Variants in MYT1L observed in about 807,000 individuals in gnomAD.
The protein encoded by MYT1L is myelin transcription factor 1 like.
Under a neutral mutation model 126.7 loss-of-function variants are expected in MYT1L, and 12 were observed. That is an observed-to-expected ratio of 0.09 (90% CI 0.06 to 0.15). The LOEUF (loss-of-function observed/expected upper bound fraction) is 0.15, where lower values mean the gene tolerates loss of function less well. MYT1L is among the 10% of genes least tolerant of loss of function. The probability of loss-of-function intolerance (pLI) is 1.00; values close to 1 mark genes in which losing one functional copy is unlikely to be tolerated. For missense variants in MYT1L, 979 were observed against 1,585.2 expected (o/e 0.62, Z 6.49); for synonymous variants, 541 against 604.2 (o/e 0.90, Z 1.53).
intron 8 of MYT1L, among the ~76,000 whole-genome samples, chr2:1,967,608 A>G (rs2059467966): frequency 6.6e-6 from 1 of 152,228 alleles, no homozygotes; most frequent in South Asian, 2.1e-4. Flanking sequence ...AGTCACTCAA[A>G]GCAGGTGCAC....
chr2:2,198,496 C>T (rs959994588), intron 2 of MYT1L, among the ~76,000 whole-genome samples: 1 of 152,074 alleles, frequency 6.6e-6, no homozygotes, highest in African/African-American at 2.4e-5. Flanking sequence ...CATCATGATA[C>T]TATGTATATA....
chr2:2,099,535 A>G (rs2077815137), intron 3 of MYT1L, among the ~76,000 whole-genome samples: 1 of 152,170 alleles, frequency 6.6e-6, no homozygotes, highest in South Asian at 2.1e-4. Context: ...GTCCTTCTCT[A>G]AGAAATGTTA....
chr2:2,096,007 C>T (rs985527391), intron 3 of MYT1L, among the ~76,000 whole-genome samples: 1 of 152,136 alleles, frequency 6.6e-6, no homozygotes, highest in African/African-American at 2.4e-5. Flanking sequence ...GTGGCGCCCA[C>T]CTGTGGGTTT....
chr2:2,305,449 C>T (rs918811014), intron 1 of MYT1L, among the ~76,000 whole-genome samples: 2 of 152,186 alleles, frequency 1.3e-5, no homozygotes, highest in African/African-American at 4.8e-5. Flanking sequence ...ACTAAAGTAA[C>T]TTTTAGTTTT....
intron 8 of MYT1L, among the ~76,000 whole-genome samples, chr2:1,952,710 C>CTT (rs2057883386): frequency 1.4e-5 from 1 of 73,518 alleles, no homozygotes; most frequent in Non-Finnish European, 2.9e-5. Flanking sequence ...TTCTTCCTTC[C>CTT]CTTCCCTCCT....
chr2:2,018,539 A>G (rs1324342916), intron 4 of MYT1L, among the ~76,000 whole-genome samples: 2 of 152,190 alleles, frequency 1.3e-5, no homozygotes, highest in African/African-American at 2.4e-5. Flanking sequence ...TCTTGAAGAC[A>G]TTGGGTCAGA....
chr2:2,060,223 T>C (rs1314882964), intron 3 of MYT1L, among the ~76,000 whole-genome samples: 1 of 152,202 alleles, frequency 6.6e-6, no homozygotes, highest in Non-Finnish European at 1.5e-5. Flanking sequence ...CACAGGAACT[T>C]AGGCCATTTC....
rs181559149 is a variant in MYT1L, at chr2:1,860,088, C to T, written c.2712-8385G>A. Among the ~76,000 whole-genome samples the T allele has an allele frequency of 6.6e-5, 10 of 152,310 alleles. No homozygotes were observed. In the East Asian group the frequency reaches 1.4e-3, roughly 21 times the overall value. Reference sequence around the variant, plus strand: ...CATGCTGCCCTCGTTGCCAACACTGCGAACCGCTGCAGGGCCGAAAGGCGC... The same window carrying T: ...CATGCTGCCCTCGTTGCCAACACTGTGAACCGCTGCAGGGCCGAAAGGCGC... On this transcript the variant is annotated intron_variant, in intron 18 of 24. Transcript: ENST00000647738.
intron 8 of MYT1L, among the ~76,000 whole-genome samples, chr2:1,964,452 G>C (rs2059186755): frequency 6.6e-6 from 1 of 152,188 alleles, no homozygotes; most frequent in East Asian, 1.9e-4. Context: ...CAAACCTTCA[G>C]TTTGTACAAA....
intron 8 of MYT1L, among the ~76,000 whole-genome samples, chr2:1,960,783 T>C (rs1297126736): frequency 3.3e-5 from 5 of 151,542 alleles, no homozygotes; most frequent in Admixed American, 2.0e-4. Flanking sequence ...TCTCTCACAA[T>C]GCACCTGCCT....
intron 3 of MYT1L, among the ~76,000 whole-genome samples, chr2:2,075,038 C>T (rs763678403): frequency 3.9e-5 from 6 of 152,144 alleles, no homozygotes; most frequent in Non-Finnish European, 8.8e-5. Context: ...CACAATCCCA[C>T]GGGTAGTAGA....
chr2:2,063,838 C>CT (rs2070868728), intron 3 of MYT1L, among the ~76,000 whole-genome samples: 1 of 152,054 alleles, frequency 6.6e-6, no homozygotes, highest in African/African-American at 2.4e-5. Context: ...GAGTGAAACT[C>CT]TGTCTCAAAA....
At chr2:2,089,150 A>G (rs2076650663) in intron 3 of MYT1L, among the ~76,000 whole-genome samples, 1 of 152,224 alleles carries the variant, frequency 6.6e-6, no homozygotes, top group South Asian at 2.1e-4. Flanking sequence ...ATGTGCGGTT[A>G]TTTGGAATTT....
chr2:2,326,533 A>G (rs1052081828), intron 1 of MYT1L: 2 of 151,746 alleles, frequency 1.3e-5, no homozygotes, highest in African/African-American at 4.9e-5. Flanking sequence ...ACAACACAAT[A>G]CTCCTTACAG....
chr2:1,796,283 A>G lies in MYT1L; in HGVS notation c.3277-3819T>C, dbSNP rs539703700. On this transcript the variant is annotated intron_variant, in intron 23 of 24. Transcript: ENST00000647738. ...TGATGGCGTGATGTGTTTAGAAAAC[A>G]TTTCCGGAAGAAGTGTAAAATGGGT... is the stretch of plus-strand genomic sequence containing the variant. 3.5e-4 allele frequency among the ~76,000 whole-genome samples: 54 copies of G among 152,268 alleles called. 1 individual carries two copies. The Middle Eastern group carries it at 0.017, about 48-fold the overall frequency.
At chr2:2,290,286 C>T (rs1335565350) in intron 1 of MYT1L, among the ~76,000 whole-genome samples, 4 of 152,192 alleles carry the variant, frequency 2.6e-5, no homozygotes, top group Admixed American at 2.6e-4. Context: ...AGGCCCAGAG[C>T]CCTGGCTTCC....
rs1354107245 is a variant in MYT1L at position 1,922,302 on chromosome 2, C to T, written c.1467G>A (p.Lys489=). ...AAATATTACCTTTACCATAGTATGG[C>T]TTTTTGACATGGCTGTCACTGGATT... ...KPKSSDSHVK[K]PYYGKDPSRT... The change falls in exon 10 of 25, where the codon AAG becomes AAA. Residue 489 remains lysine (K), a synonymous_variant. Transcript: ENST00000647738. The surrounding 1 kb of genome is among the most constrained non-coding windows in gnomAD (Gnocchi z 7.4). The T allele has an allele frequency of 1.2e-6, 2 of 1,613,820 alleles. No homozygotes were observed. Among genetic ancestry groups the T allele is most frequent in the South Asian group, 1.1e-5 (1 of 91,062 alleles).
intron 3 of MYT1L, among the ~76,000 whole-genome samples, chr2:2,135,623 AACAAAAGAGAGG>A (rs1211918470): frequency 6.6e-6 from 1 of 152,230 alleles, no homozygotes; most frequent in Non-Finnish European, 1.5e-5. Context: ...TGAACGAATG[AACAAAAGAGAGG>A]AAGAAAGGCA....
At chr2:2,033,262 C>T (rs2066592135) in intron 4 of MYT1L, among the ~76,000 whole-genome samples, 3 of 143,608 alleles carry the variant, frequency 2.1e-5, no homozygotes, top group Admixed American at 7.0e-5. Context: ...ACACACCCCT[C>T]GCCAGTGCCT....
Sources: gnomAD v4.1 joint callset for allele counts (sites outside exome capture counted in the v4.1 genomes callset) on GRCh38, gnomAD v4.1.1 for gene constraint, Gnocchi (gnomAD v3.1) non-coding constraint, MANE v1.5 for transcripts, NCBI Gene and HGNC (gene_info 2026-07-23, HGNC 2026-07-21) for gene names.